Variants in MRPS22 observed in about 807,000 individuals in gnomAD.
MRPS22 encodes mitochondrial ribosomal protein S22.
Under a neutral mutation model 44.0 loss-of-function variants are expected in MRPS22, and 30 were observed. The observed-to-expected ratio is 0.68, with a 90% CI of 0.51 to 0.93. The LOEUF (loss-of-function observed/expected upper bound fraction) is 0.93. MRPS22 is among the 40% of genes least tolerant of loss of function. The pLI is 0.00. For synonymous variants in MRPS22, 165 were observed against 154.4 expected (o/e 1.07, Z -0.51); for missense variants, 447 against 447.8 (o/e 1.00, Z 0.02).
intron 1 of MRPS22, among the ~76,000 whole-genome samples, chr3:139,345,433 G>C (rs1030474521): frequency 6.2e-5 from 8 of 130,036 alleles, no homozygotes; most frequent in African/African-American, 2.0e-4. Context: ...TTCTCTGCCA[G>C]TGGTGTTTTT....
chr3:139,345,754 G>C (rs896240189), intron 1 of MRPS22, among the ~76,000 whole-genome samples: 1 of 152,126 alleles, frequency 6.6e-6, no homozygotes, highest in African/African-American at 2.4e-5. Context: ...AGAAAATGCA[G>C]GTTTGAGACA....
chr3:139,344,033 C>G lies in MRPS22; in HGVS notation c.7C>G (p.Pro3Ala), dbSNP rs774589000. The G allele has an allele frequency of 6.2e-7, 1 of 1,614,176 alleles. No individual in the cohort carries two copies. The highest frequency in any genetic ancestry group is 2.2e-5 in the East Asian group (1 of 44,864). Residue 3 changes from proline to alanine, a missense_variant, in exon 1 of 8, where the codon CCC becomes GCC. Physicochemically the swap from Pro to Ala is conservative, Grantham distance 27 (BLOSUM62 -1). Transcript: ENST00000680020. Reference sequence around the variant, plus strand: ...CAAGTGGCTTCTGATAATCATGGCGCCCCTCGGAACAACTGTATTGCTGTG... The same window carrying G: ...CAAGTGGCTTCTGATAATCATGGCGGCCCTCGGAACAACTGTATTGCTGTG... MA[P>A]LGTTVLLWSL...
chr3:139,345,253 G>T (rs1316982008), intron 1 of MRPS22, among the ~76,000 whole-genome samples: 1 of 152,108 alleles, frequency 6.6e-6, no homozygotes, highest in East Asian at 1.9e-4. Context: ...GAGTAATCTT[G>T]ATTACATTTT....
In MRPS22 at chr3:139,352,385, C is replaced by G. The variant is rs59958973; in HGVS notation, c.733-262C>G. 31,398 of 406,564 alleles carry G rather than the reference C, an allele frequency of 0.077. 1,358 individuals carry two copies. Among genetic ancestry groups the G allele is most frequent in the Middle Eastern group, 0.11 (143 of 1,248 alleles). The allele number at this position is 406,564 out of a possible 1,614,324, so 25.2% of individuals were successfully genotyped here. A position where few individuals can be genotyped will look rare whatever the true frequency, so the allele number is the denominator to read the frequency against. ...GACTGCTCAAGCAGTCCTCCCACCT[C>G]AGCTTCCCAAAGTGTTGGGATTATA... On this transcript the variant is annotated intron_variant, in intron 5 of 7. Transcript: ENST00000680020.
At position 139,352,710 on chromosome 3, in the gene MRPS22, A is replaced by G. The variant is rs1941176283; in HGVS notation, c.796A>G (p.Arg266Gly). 1 of 1,613,660 alleles carries G rather than the reference A, an allele frequency of 6.2e-7. No homozygotes were observed. Among genetic ancestry groups the G allele is most frequent in the Non-Finnish European group, 8.5e-7 (1 of 1,179,578 alleles). The change falls in exon 6 of 8, where the codon AGA (arginine) becomes GGA (glycine). Residue 266 changes from arginine to glycine, a missense_variant. Transcript: ENST00000680020. ...AAAATATGACCTTTTACGTTCAACA[A>G]GATACTTTGGTGGAATGGTGTGGTA... ...RGKYDLLRST[R>G]YFGGMVWYFV...
In MRPS22 at chr3:139,356,960, A is replaced by G; in HGVS notation, c.1029A>G (p.Glu343=). 1.2e-6 allele frequency: 2 copies of G among 1,613,282 alleles called. No homozygotes were observed. The highest frequency in any genetic ancestry group is 1.7e-6 in the Non-Finnish European group (2 of 1,179,652). ...AAGCACAGAAGGGAGCCTATATAGA[A>G]CTAACACTGCAGACTTATCAAGAAG... ...KTEAQKGAYI[E]LTLQTYQEAL... The change falls in exon 8 of 8, where the codon GAA becomes GAG. Residue 343 remains glutamate (E), a synonymous_variant. Coordinates refer to ENST00000680020, the MANE Select transcript of MRPS22 (RefSeq NM_020191.4).
At chr3:139,348,461 ATATAC>A in intron 3 of MRPS22, 137 bp downstream of exon 3, 1 of 818,282 alleles carries the variant, frequency 1.2e-6, no homozygotes, top group Non-Finnish European at 2.1e-6. Flanking sequence ...CTTCTGGAAG[ATATAC>A]TATATGAGGG....
rs749447659 is a variant in MRPS22 at position 139,356,919 on chromosome 3, G to GTCTT, written c.990_993dup (p.Ala332LeufsTer35). Reference sequence around the variant, plus strand: ...AAAATTTTCTTTTTAATTTAAACAGGTCTTTGCAAAAACAGAAGCACAGAA... The same window carrying GTCTT: ...AAAATTTTCTTTTTAATTTAAACAGGTCTTTCTTTGCAAAAACAGAAGCACAGAA... On this transcript the variant is annotated frameshift_variant and splice_region_variant, in exon 8 of 8. Coordinates refer to ENST00000680020, the MANE Select transcript of MRPS22 (RefSeq NM_020191.4). LOFTEE classifies it high-confidence loss of function. 6.2e-7 allele frequency: 1 copy of GTCTT among 1,609,232 alleles called. No homozygotes were observed. Among genetic ancestry groups the GTCTT allele is most frequent in the Admixed American group, 1.7e-5 (1 of 59,948 alleles).
intron 1 of MRPS22, among the ~76,000 whole-genome samples, chr3:139,345,949 C>G (rs1001757163): frequency 1.3e-5 from 2 of 152,110 alleles, no homozygotes; most frequent in Non-Finnish European, 2.9e-5. Flanking sequence ...AAAAGGACAT[C>G]GTTCAGAATC....
At chr3:139,355,868 T>C in intron 7 of MRPS22, 78 bp downstream of exon 7, 1 of 997,580 alleles carries the variant, frequency 1.0e-6, no homozygotes, top group Non-Finnish European at 1.6e-6. Flanking sequence ...TCATAATTAA[T>C]GGTAACTAAA....
intron 1 of MRPS22, among the ~76,000 whole-genome samples, chr3:139,346,385 A>G (rs1243941068): frequency 6.6e-6 from 1 of 152,110 alleles, no homozygotes; most frequent in African/African-American, 2.4e-5. Context: ...TATACCGAGG[A>G]GCGCTATGAT....
intron 3 of MRPS22, 155 bp downstream of exon 3, chr3:139,348,479 G>A (rs1177451377): frequency 1.4e-6 from 1 of 716,168 alleles, no homozygotes; most frequent in East Asian, 2.7e-5. Context: ...TATGAGGGAT[G>A]AGAAATGCAG....
intron 3 of MRPS22, 65 bp from the exon 4 acceptor site, chr3:139,350,114 G>A: frequency 6.3e-7 from 1 of 1,585,504 alleles, no homozygotes; most frequent in Non-Finnish European, 8.7e-7. Context: ...AATGGCCTTA[G>A]TGGGACACAG....
Position 139,345,530 on chromosome 3 carries a change from G to A in MRPS22, c.172+1332G>A, listed in dbSNP as rs770514549. On this transcript the variant is annotated intron_variant, in intron 1 of 7. Transcript: ENST00000680020. ...GTTGTGAGTATTAAATGGGCTGAAT[G>A]TGTAAAGTACTTAGCTCAGTCAGTA... Among the ~76,000 whole-genome samples the A allele has an allele frequency of 6.8e-4, 97 of 143,356 alleles. 1 individual carries two copies. Among genetic ancestry groups the A allele is most frequent in the Non-Finnish European group, 2.4e-4 (16 of 66,714 alleles). 94.0% of individuals were successfully genotyped at this position (143,356 alleles called of 152,430 possible).
chr3:139,355,892 A>T, intron 7 of MRPS22, 102 bp downstream of exon 7: 1 of 823,228 alleles, frequency 1.2e-6, no homozygotes, highest in Non-Finnish European at 2.1e-6. Flanking sequence ...ATTTGTGAAT[A>T]TGGGACATCT....
At position 139,344,053 on chromosome 3, in the gene MRPS22, G is replaced by T. The variant is rs148997212; in HGVS notation, c.27G>T (p.Leu9Phe). 1.9e-6 allele frequency: 3 copies of T among 1,614,040 alleles called. No individual in the cohort carries two copies. Among genetic ancestry groups the T allele is most frequent in the African/African-American group, 1.3e-5 (1 of 74,930 alleles). The stretch of plus-strand genomic sequence containing the variant: ...TGGCGCCCCTCGGAACAACTGTATT[G>T]CTGTGGAGCCTCTTGAGGAGTTCTC... The part of the protein sequence containing the change: MAPLGTTV[L>F]LWSLLRSSPG... Residue 9 changes from leucine to phenylalanine, a missense_variant, in exon 1 of 8, where the codon TTG becomes TTT. Leu to Phe is a conservative substitution (Grantham distance 22). Transcript: ENST00000680020.
At position 139,350,727 on chromosome 3, in the gene MRPS22, T is replaced by C. The variant is rs6776315; in HGVS notation, c.649-250T>C. 421,083 of 511,996 alleles carry C rather than the reference T, an allele frequency of 0.82. 178,006 individuals are homozygous for C. The highest frequency in any genetic ancestry group is 0.94 in the East Asian group (25,745 of 27,438). The allele number at this position is 511,996 out of a possible 1,614,324, so 31.7% of individuals were successfully genotyped here. A position where few individuals can be genotyped will look rare whatever the true frequency, so the allele number is the denominator to read the frequency against. On this transcript the variant is annotated intron_variant, in intron 4 of 7. Coordinates refer to ENST00000680020, the MANE Select transcript of MRPS22 (RefSeq NM_020191.4). ...CTGGGATTACAGGCGTGAGCCACCATGCCTGGCCGACTTCTTTCTTAATAG... is the reference window on the plus strand; with the variant it reads ...CTGGGATTACAGGCGTGAGCCACCACGCCTGGCCGACTTCTTTCTTAATAG...
intron 3 of MRPS22, chr3:139,349,306 C>CA: frequency 2.8e-6 from 1 of 352,780 alleles, no homozygotes; most frequent in Non-Finnish European, 5.7e-6. Context: ...TTGGCATGTG[C>CA]TTTTTTTTTT....
At chr3:139,344,740 T>G (rs1941006332) in intron 1 of MRPS22, 1 of 694,560 alleles carries the variant, frequency 1.4e-6, no homozygotes, top group African/African-American at 1.8e-5. Context: ...AAGGCTTGAT[T>G]AAGGCTTTGG....
Sources: gnomAD v4.1 joint callset for allele counts (sites outside exome capture counted in the v4.1 genomes callset) on GRCh38, gnomAD v4.1.1 for gene constraint, MANE v1.5 for transcripts, NCBI Gene and HGNC (gene_info 2026-07-23, HGNC 2026-07-21) for gene names.